PCDH9: variants seen among roughly 807,000 people sequenced by gnomAD.
PCDH9 encodes protocadherin-9.
A neutral mutation model predicts 70.6 loss-of-function variants in PCDH9; 24 were observed. The observed-to-expected ratio is 0.34, with a 90% CI of 0.25 to 0.48. The LOEUF is 0.48. PCDH9 is among the 20% of genes least tolerant of loss of function. The pLI, the probability that PCDH9 is intolerant of heterozygous loss-of-function variation, is 0.99. For synonymous variants in PCDH9, 562 were observed against 558.5 expected, an observed-to-expected ratio of 1.01 and a Z score of -0.09; for missense variants, 1,281 against 1,503.6, an observed-to-expected ratio of 0.85 and a Z score of 2.45.
chr13:66,913,298 T>C (rs1236992917), intron 2 of PCDH9, among the ~76,000 whole-genome samples: 1 of 152,012 alleles, frequency 6.6e-6, no homozygotes, highest in Non-Finnish European at 1.5e-5. Context: ...CTTTTTTTTA[T>C]AGTGCACTAA....
chr13:66,583,802 T>C (rs1037339405), intron 4 of PCDH9, among the ~76,000 whole-genome samples: 1 of 152,174 alleles, frequency 6.6e-6, no homozygotes, highest in African/African-American at 2.4e-5. Context: ...CTTCATTTTA[T>C]GGAACAGAGA....
intron 2 of PCDH9, among the ~76,000 whole-genome samples, chr13:66,942,064 C>T (rs2139684230): frequency 6.6e-6 from 1 of 151,866 alleles, no homozygotes; most frequent in East Asian, 1.9e-4. Flanking sequence ...TTCAATATAA[C>T]CCATGGGCCA....
intron 4 of PCDH9, among the ~76,000 whole-genome samples, chr13:66,583,482 C>T (rs946269238): frequency 1.3e-5 from 2 of 151,756 alleles, no homozygotes; most frequent in Non-Finnish European, 2.9e-5. Context: ...CTTGGGGGGA[C>T]GCGCCTATAG....
At chr13:66,430,655 T>G (rs1051638002) in intron 4 of PCDH9, among the ~76,000 whole-genome samples, 3 of 152,074 alleles carry the variant, frequency 2.0e-5, no homozygotes, top group Non-Finnish European at 2.9e-5. Context: ...CTTAACCTGC[T>G]ATTCACTCTG....
intron 4 of PCDH9, among the ~76,000 whole-genome samples, chr13:66,496,269 A>G (rs1230253044): frequency 6.6e-6 from 1 of 152,166 alleles, no homozygotes; most frequent in East Asian, 1.9e-4. Context: ...ATCCATTTCA[A>G]TCTTTGTCCA....
At chr13:66,986,213 A>C (rs2083888890) in intron 2 of PCDH9, among the ~76,000 whole-genome samples, 1 of 152,038 alleles carries the variant, frequency 6.6e-6, no homozygotes, top group South Asian at 2.1e-4. Context: ...AGATCTCATG[A>C]GATTTCACTC....
At chr13:66,582,638 A>G (rs1205874938) in intron 4 of PCDH9, among the ~76,000 whole-genome samples, 2 of 152,142 alleles carry the variant, frequency 1.3e-5, no homozygotes, top group East Asian at 1.9e-4. Flanking sequence ...TCTCAAACAA[A>G]TGAATAAATA....
At chr13:67,167,270 G>C (rs2985919) in intron 2 of PCDH9, among the ~76,000 whole-genome samples, 2 of 152,138 alleles carry the variant, frequency 1.3e-5, no homozygotes, top group Non-Finnish European at 2.9e-5. Context: ...TAATAATTGC[G>C]TGCCTCTCAG....
intron 2 of PCDH9, chr13:67,219,102 T>C (rs1365120945): frequency 6.6e-6 from 1 of 152,036 alleles, no homozygotes; most frequent in Non-Finnish European, 1.5e-5. Flanking sequence ...AAACTGTCTA[T>C]AGGACAAAAA....
intron 2 of PCDH9, among the ~76,000 whole-genome samples, chr13:67,149,978 G>A (rs889720832): frequency 6.6e-6 from 1 of 152,000 alleles, no homozygotes; most frequent in Non-Finnish European, 1.5e-5. Context: ...AGTCTTTTCA[G>A]GTCATATGTA....
intron 2 of PCDH9, among the ~76,000 whole-genome samples, chr13:67,000,484 TAATAA>T: frequency 1.0e-5 from 1 of 96,224 alleles, no homozygotes; most frequent in African/African-American, 3.0e-5. Context: ...AGTATAATAA[TAATAA>T]AATAAAATAA....
At chr13:66,674,079 A>C (rs9317601) in intron 3 of PCDH9, among the ~76,000 whole-genome samples, 1 of 151,712 alleles carries the variant, frequency 6.6e-6, no homozygotes, top group Non-Finnish European at 1.5e-5. Flanking sequence ...TCACATAAAG[A>C]GGGGAGTTAA....
intron 4 of PCDH9, among the ~76,000 whole-genome samples, chr13:66,328,016 G>T (rs1414936521): frequency 6.6e-6 from 1 of 152,090 alleles, no homozygotes; most frequent in East Asian, 1.9e-4. Context: ...AAAGATCAAT[G>T]TTGAAAACAT....
intron 3 of PCDH9, among the ~76,000 whole-genome samples, chr13:66,793,154 T>C (rs2080188209): frequency 6.6e-6 from 1 of 151,978 alleles, no homozygotes; most frequent in East Asian, 1.9e-4. Context: ...TATAATGCAT[T>C]CTCATATGAT....
rs192612371 is a variant in PCDH9 at position 66,813,668 on chromosome 13, T to C, written c.3138+89836A>G. Among the ~76,000 whole-genome samples the C allele has an allele frequency of 6.6e-5, 10 of 152,290 alleles. No homozygotes were observed. The East Asian group carries it at 1.9e-3, about 29-fold the overall frequency. ...TATTTATTTCATGGTGACTAGGCAT[T>C]ACTCAGTATGATTTGCATATTATTC... On this transcript the variant is annotated intron_variant, in intron 3 of 4. Transcript: ENST00000377865.
rs531216198 is a variant in PCDH9 at position 66,648,057 on chromosome 13, A to T, written c.3139-16646T>A. On this transcript the variant is annotated intron_variant, in intron 3 of 4. Transcript: ENST00000377865. ...CACAGTAAAATAGTGCACCAGAGAGATTCCTAAGGTTTTCAATTCCAGGCT... is the reference window on the plus strand; with the variant it reads ...CACAGTAAAATAGTGCACCAGAGAGTTTCCTAAGGTTTTCAATTCCAGGCT... Among the ~76,000 whole-genome samples the T allele has an allele frequency of 6.6e-5, 10 of 152,250 alleles. No individual in the cohort carries two copies. The South Asian group carries it at 2.1e-3, about 32-fold the overall frequency.
intron 3 of PCDH9, among the ~76,000 whole-genome samples, chr13:66,791,610 A>G (rs190451020): frequency 1.3e-5 from 2 of 152,294 alleles, no homozygotes; most frequent in East Asian, 1.9e-4. Flanking sequence ...TAAATAATGT[A>G]TAATAATGTA....
intron 4 of PCDH9, among the ~76,000 whole-genome samples, chr13:66,380,885 G>A (rs140999418): frequency 6.6e-6 from 1 of 152,170 alleles, no homozygotes; most frequent in Non-Finnish European, 1.5e-5. Context: ...TTCCCTCCAT[G>A]GTCTGTAAGA....
At chr13:66,935,855 C>T (rs370611305) in intron 2 of PCDH9, among the ~76,000 whole-genome samples, 9 of 151,980 alleles carry the variant, frequency 5.9e-5, no homozygotes, top group Admixed American at 1.3e-4. Context: ...CTGAGGCAAG[C>T]GGATCACTAG....
Sources: allele counts gnomAD v4.1 joint callset (sites outside exome capture counted in the v4.1 genomes callset), GRCh38; gene constraint gnomAD v4.1.1; transcripts MANE v1.5; gene names NCBI Gene and HGNC (gene_info 2026-07-23, HGNC 2026-07-21).